Variants in TMEM242 observed in about 807,000 individuals in gnomAD.
The protein encoded by TMEM242 is UPF0463 transmembrane protein C6orf35.
TMEM242 carries 10 observed loss-of-function variants against 18.2 expected under a neutral mutation model. That is an observed-to-expected ratio of 0.55 (90% CI 0.34 to 0.93). The LOEUF is 0.93. TMEM242 is among the 40% of genes least tolerant of loss of function. The pLI is 0.02. For missense variants in TMEM242, 186 were observed against 175.5 expected, an observed-to-expected ratio of 1.06 and a Z score of -0.34; for synonymous variants, 57 against 69.9, an observed-to-expected ratio of 0.81 and a Z score of 0.92.
intron 3 of TMEM242, among the ~76,000 whole-genome samples, chr6:157,307,842 T>C (rs957030610): frequency 2.0e-5 from 3 of 152,260 alleles, no homozygotes; most frequent in African/African-American, 4.8e-5. Context: ...GTGAGCACTA[T>C]GAAGAAGTGG....
At chr6:157,298,013 A>C (rs1777773802) in intron 3 of TMEM242, among the ~76,000 whole-genome samples, 1 of 152,258 alleles carries the variant, frequency 6.6e-6, no homozygotes, top group African/African-American at 2.4e-5. Context: ...CACACATGTA[A>C]CTTTCTGAGA....
chr6:157,300,001 G>A (rs1777805461), intron 3 of TMEM242: 5 of 1,295,694 alleles, frequency 3.9e-6, no homozygotes, highest in East Asian at 4.6e-5. Context: ...CACTCTTCAC[G>A]GGGGTGAAGA....
At chr6:157,310,874 G>C (rs1778019058) in intron 3 of TMEM242, among the ~76,000 whole-genome samples, 1 of 145,486 alleles carries the variant, frequency 6.9e-6, no homozygotes, top group Admixed American at 6.9e-5. Context: ...TCATCATAGT[G>C]CCCCAGTGTG....
chr6:157,300,613 G>C (rs587752362), intron 3 of TMEM242, among the ~76,000 whole-genome samples: 1 of 152,336 alleles, frequency 6.6e-6, no homozygotes, highest in South Asian at 2.1e-4. Flanking sequence ...GCTATCTGGT[G>C]TATGGCGCCG....
At chr6:157,304,232 G>A (rs1043424230) in intron 3 of TMEM242, among the ~76,000 whole-genome samples, 3 of 152,058 alleles carry the variant, frequency 2.0e-5, no homozygotes, top group Admixed American at 6.5e-5. Flanking sequence ...TCAGGAGGCC[G>A]AGGCAGGTGG....
intron 3 of TMEM242, chr6:157,300,038 G>A (rs1208255436): frequency 1.9e-5 from 17 of 902,234 alleles, no homozygotes; most frequent in South Asian, 4.1e-5. Context: ...CGGCATGCGC[G>A]CTGCCTGACT....
chr6:157,299,259 A>G (rs1583556871), intron 3 of TMEM242: 4 of 747,238 alleles, frequency 5.4e-6, no homozygotes, highest in African/African-American at 3.4e-5. Flanking sequence ...AGATAGGCCA[A>G]TGGCCCATGA....
At position 157,322,805 on chromosome 6, in the gene TMEM242, C is replaced by T; in HGVS notation, c.89G>A (p.Gly30Asp). The stretch of plus-strand genomic sequence containing the variant: ...AGCAACGGTACCAAGGAAAATTCCA[C>T]CTGCCAAGAGTTTCGGGGAGGAGGG... ...STNDRLFLVK[G>D]GIFLGTVAAA... Residue 30 changes from glycine (G) to aspartate (D), a missense_variant and splice_region_variant, in exon 2 of 4, where the codon GGT becomes GAT. Transcript: ENST00000400788. 1.2e-6 allele frequency: 2 copies of T among 1,612,778 alleles called. No homozygotes were observed. Among genetic ancestry groups the T allele is most frequent in the Non-Finnish European group, 1.7e-6 (2 of 1,179,486 alleles).
Position 157,305,267 on chromosome 6 carries a change from T to G in TMEM242, c.328-12268A>C, listed in dbSNP as rs1777894836. Among the ~76,000 whole-genome samples, 1 of 152,034 alleles carries G rather than the reference T, an allele frequency of 6.6e-6. No homozygotes were observed. The highest frequency in any genetic ancestry group is 1.5e-5 in the Non-Finnish European group (1 of 68,012). ...GCAGAGCTGACAAGCAGGACTTGCA[T>G]GCATCAGATGAAGGGAACCAAGGGA... On this transcript the variant is annotated intron_variant, in intron 3 of 3. Transcript: ENST00000400788. The surrounding 1 kb of genome is among the most constrained non-coding windows in gnomAD (Gnocchi z 4.1).
rs1456053077 is a variant in TMEM242 at position 157,290,109 on chromosome 6, T to C, written c.*2792A>G. The C allele has an allele frequency of 3.3e-5, 5 of 152,244 alleles. No individual in the cohort carries two copies. Among genetic ancestry groups the C allele is most frequent in the African/African-American group, 1.2e-4 (5 of 41,454 alleles). The allele number at this position is 152,244 out of a possible 1,614,324, so 9.4% of individuals were successfully genotyped here. ...ACTTACCAGGATACATGTTTTCCCT[T>C]GAATGAATCCTGGGGTCTCGGAAGC... On this transcript the variant is annotated 3_prime_UTR_variant, in exon 4 of 4. Transcript: ENST00000400788.
intron 3 of TMEM242, among the ~76,000 whole-genome samples, chr6:157,301,098 C>CA (rs1293853729): frequency 7.9e-5 from 12 of 151,834 alleles, no homozygotes; most frequent in South Asian, 4.2e-4. Context: ...ACAAAAGCTC[C>CA]AAAAAAAATG....
At position 157,292,867 on chromosome 6, in the gene TMEM242, G is replaced by A; in HGVS notation, c.*34C>T. ...GGTGTCTCCAGAGCCACCCCTTTCT[G>A]TAACAAGCATTTTGAAATTCATCCA... is the stretch of plus-strand genomic sequence containing the variant. On this transcript the variant is annotated 3_prime_UTR_variant, in exon 4 of 4. Coordinates refer to ENST00000400788, the MANE Select transcript of TMEM242 (RefSeq NM_018452.6). The A allele has an allele frequency of 1.9e-6, 3 of 1,553,664 alleles. No individual in the cohort carries two copies. Among genetic ancestry groups the A allele is most frequent in the African/African-American group, 1.4e-5 (1 of 73,796 alleles).
At position 157,321,863 on chromosome 6, in the gene TMEM242, C is replaced by G. The variant is rs149980498; in HGVS notation, c.189+842G>C. Among the ~76,000 whole-genome samples the G allele has an allele frequency of 9.8e-3, 1,487 of 152,232 alleles. 29 individuals carry two copies. The highest frequency in any genetic ancestry group is 0.034 in the African/African-American group (1,393 of 41,516). On this transcript the variant is annotated intron_variant, in intron 2 of 3. Coordinates refer to ENST00000400788, the MANE Select transcript of TMEM242 (RefSeq NM_018452.6). ...TTCCACCACAAAATATATTTCTGCT[C>G]TGAAAACATTCTATAACATAGAGAG...
rs2128413693 is a variant in TMEM242 at position 157,305,290 on chromosome 6, G to C, written c.328-12291C>G. On this transcript the variant is annotated intron_variant, in intron 3 of 3. Transcript: ENST00000400788. The surrounding 1 kb of genome is among the most constrained non-coding windows in gnomAD (Gnocchi z 4.1). ...CATGCATCAGATGAAGGGAACCAAG[G>C]GAAATGAGAGAATCTAAGAGGATTC... 6.6e-6 allele frequency among the ~76,000 whole-genome samples: 1 copy of C among 152,250 alleles called. No homozygotes were observed. Among genetic ancestry groups the C allele is most frequent in the Non-Finnish European group, 1.5e-5 (1 of 68,020 alleles).
At chr6:157,311,309 C>T (rs1778072499) in intron 3 of TMEM242, among the ~76,000 whole-genome samples, 1 of 150,306 alleles carries the variant, frequency 6.7e-6, no homozygotes, top group African/African-American at 2.4e-5. Flanking sequence ...TTATAGTGTC[C>T]CAGTGTGTGT....
chr6:157,310,867 T>C, intron 3 of TMEM242, among the ~76,000 whole-genome samples: 1 of 145,262 alleles, frequency 6.9e-6, no homozygotes. Flanking sequence ...CCTAGCCTCA[T>C]CATAGTGCCC....
chr6:157,298,059 T>C (rs899004037), intron 3 of TMEM242, among the ~76,000 whole-genome samples: 5 of 152,230 alleles, frequency 3.3e-5, no homozygotes, highest in African/African-American at 1.2e-4. Context: ...AAATGGCCAA[T>C]TTTTATGACA....
At chr6:157,310,022 C>A (rs371171756) in intron 3 of TMEM242, among the ~76,000 whole-genome samples, 21 of 152,262 alleles carry the variant, frequency 1.4e-4, no homozygotes, top group African/African-American at 5.1e-4. Flanking sequence ...ATAGCGCATA[C>A]CCCCCTGATA....
At chr6:157,312,166 G>A (rs141972951) in intron 3 of TMEM242, among the ~76,000 whole-genome samples, 2,776 of 16,326 alleles carry the variant, frequency 0.17, 117 homozygotes, top group Non-Finnish European at 0.23. Flanking sequence ...GTCCCAGTGT[G>A]CACTCACCCG....
Sources: allele counts gnomAD v4.1 joint callset (sites outside exome capture counted in the v4.1 genomes callset), GRCh38; gene constraint gnomAD v4.1.1; non-coding constraint Gnocchi (gnomAD v3.1); transcripts MANE v1.5; gene names NCBI Gene and HGNC (gene_info 2026-07-23, HGNC 2026-07-21).